Variants in POLN observed in about 807,000 individuals in gnomAD.
POLN encodes DNA polymerase nu, also known as DNA polymerase N.
POLN carries 108 observed loss-of-function variants against 113.5 expected under a neutral mutation model. That is an observed-to-expected ratio of 0.95 (90% CI 0.81 to 1.12). The LOEUF (loss-of-function observed/expected upper bound fraction) is 1.12. Among genes scored for constraint, POLN ranks in the 50% most tolerant of loss-of-function variants. The pLI is 0.00. For synonymous variants in POLN, 386 were observed against 391.5 expected, an observed-to-expected ratio of 0.99 and a Z score of 0.17; for missense variants, 1,097 against 1,077.1, an observed-to-expected ratio of 1.02 and a Z score of -0.26.
chr4:2,137,627 G>GC (rs747321243), intron 16 of POLN, among the ~76,000 whole-genome samples: 1 of 152,048 alleles, frequency 6.6e-6, no homozygotes, highest in Non-Finnish European at 1.5e-5. Context: ...CACTCCCGTG[G>GC]CCCCCCTCAC....
intron 5 of POLN, among the ~76,000 whole-genome samples, chr4:2,202,954 C>T (rs930845177): frequency 3.9e-5 from 6 of 151,980 alleles, no homozygotes; most frequent in Non-Finnish European, 8.8e-5. Flanking sequence ...GACAGAAAGT[C>T]AACAAAGAAA....
chr4:2,105,252 C>T (rs1731035169), intron 19 of POLN, among the ~76,000 whole-genome samples: 1 of 152,200 alleles, frequency 6.6e-6, no homozygotes, highest in East Asian at 1.9e-4. Flanking sequence ...CTCCTAATAT[C>T]GCTGGAGTCT....
chr4:2,080,851 GC>G (rs1382666600), intron 23 of POLN, 106 bp downstream of exon 23: 8 of 1,589,652 alleles, frequency 5.0e-6, no homozygotes, highest in South Asian at 3.4e-5. Flanking sequence ...GGGGACGGGG[GC>G]CCGATAAGCA....
intron 2 of POLN, chr4:2,240,702 T>G: frequency 6.2e-7 from 1 of 1,614,070 alleles, no homozygotes; most frequent in Non-Finnish European, 8.5e-7. Flanking sequence ...TTTACACGTT[T>G]TAAGAGCTTC....
At chr4:2,155,409 T>C (rs937534311) in intron 16 of POLN, among the ~76,000 whole-genome samples, 8 of 152,174 alleles carry the variant, frequency 5.3e-5, no homozygotes, top group African/African-American at 9.7e-5. Context: ...TGGGTGTCCA[T>C]GCACCCAAGA....
At chr4:2,154,460 T>C (rs1732374530) in intron 16 of POLN, among the ~76,000 whole-genome samples, 1 of 151,940 alleles carries the variant, frequency 6.6e-6, no homozygotes, top group Non-Finnish European at 1.5e-5. Flanking sequence ...TTTAAAGAAA[T>C]GGAAATTGAA....
rs758741532 is a variant in POLN, at chr4:2,238,783, T to C, written c.-13+2737A>G. 25 of 1,613,666 alleles carry C rather than the reference T, an allele frequency of 1.5e-5. No individual in the cohort carries two copies. The Admixed American group carries it at 4.2e-4, about 27-fold the overall frequency. On this transcript the variant is annotated intron_variant, in intron 2 of 25. Transcript: ENST00000511885. ...GATGCTTTCTTAATTCAATTTCATA[T>C]GATAACTGTAGAAGTTCAAATGATG...
intron 16 of POLN, among the ~76,000 whole-genome samples, chr4:2,150,751 T>C (rs1394962007): frequency 6.6e-6 from 1 of 152,174 alleles, no homozygotes; most frequent in Admixed American, 6.6e-5. Flanking sequence ...AGATGGTCTT[T>C]TCAAGAAACG....
intron 20 of POLN, among the ~76,000 whole-genome samples, chr4:2,087,095 G>T (rs1730568274): frequency 6.6e-6 from 1 of 152,220 alleles, no homozygotes; most frequent in Admixed American, 6.5e-5. Context: ...GCAAGAGTGG[G>T]AAGGTCTAGG....
intron 3 of POLN, among the ~76,000 whole-genome samples, chr4:2,213,434 A>C (rs1468497740): frequency 6.6e-6 from 1 of 152,212 alleles, no homozygotes; most frequent in African/African-American, 2.4e-5. Flanking sequence ...TTTTATAGAA[A>C]CCTTAAAAGG....
chr4:2,185,819 AC>A (rs543327023), intron 7 of POLN, among the ~76,000 whole-genome samples: 20 of 152,354 alleles, frequency 1.3e-4, no homozygotes, highest in Admixed American at 6.5e-4. Flanking sequence ...CTGTAAAAAA[AC>A]AAAACAAATA....
At chr4:2,119,426 CGT>C (rs36119421) in intron 19 of POLN, among the ~76,000 whole-genome samples, 1 of 151,220 alleles carries the variant, frequency 6.6e-6, no homozygotes, top group Non-Finnish European at 1.5e-5. Context: ...TGTGTGCACA[CGT>C]GTGTGTGTGA....
intron 9 of POLN, 96 bp downstream of exon 9, chr4:2,176,170 T>A (rs1365777268): frequency 2.0e-5 from 19 of 960,432 alleles, no homozygotes; most frequent in Non-Finnish European, 2.8e-5. Context: ...AACGTTTCGT[T>A]TCCTTCACAT....
At chr4:2,194,319 G>A (rs1733523434) in intron 6 of POLN, among the ~76,000 whole-genome samples, 1 of 152,194 alleles carries the variant, frequency 6.6e-6, no homozygotes, top group African/African-American at 2.4e-5. Context: ...AGCTGAGGAA[G>A]AAAGAAATCA....
chr4:2,081,767 G>C (rs1326227692), intron 21 of POLN, 24 bp from the exon 22 acceptor site: 4 of 1,602,970 alleles, frequency 2.5e-6, no homozygotes, highest in Non-Finnish European at 3.4e-6. Context: ...AGCAAAAGTA[G>C]ATGAGGGACA....
chr4:2,156,647 A>G, intron 16 of POLN, 141 bp downstream of exon 16: 1 of 715,762 alleles, frequency 1.4e-6, no homozygotes, highest in Non-Finnish European at 2.5e-6. Context: ...TTCTCAGAAT[A>G]AACAGAATAA....
At chr4:2,183,934 A>G (rs1276643160) in intron 7 of POLN, among the ~76,000 whole-genome samples, 5 of 151,198 alleles carry the variant, frequency 3.3e-5, no homozygotes, top group African/African-American at 1.2e-4. Context: ...GCTCACTGCA[A>G]TCTCTGCCTG....
intron 2 of POLN, chr4:2,236,259 T>G: frequency 6.2e-7 from 1 of 1,613,142 alleles, no homozygotes; most frequent in Non-Finnish European, 8.5e-7. Flanking sequence ...ATTTCCTCCT[T>G]GATACAAAGT....
chr4:2,114,875 T>C (rs564371724), intron 19 of POLN, among the ~76,000 whole-genome samples: 1 of 151,892 alleles, frequency 6.6e-6, no homozygotes, highest in Non-Finnish European at 1.5e-5. Context: ...TATACATAAG[T>C]TAGTCCATCT....
Sources: gnomAD v4.1 joint callset for allele counts (sites outside exome capture counted in the v4.1 genomes callset) on GRCh38, gnomAD v4.1.1 for gene constraint, MANE v1.5 for transcripts, NCBI Gene and HGNC (gene_info 2026-07-23, HGNC 2026-07-21) for gene names.